The following MEI1 variants were observed in gnomAD, a reference collection of about 807,000 sequenced individuals.
MEI1 encodes meiosis inhibitor protein 1.
A neutral mutation model predicts 146.2 loss-of-function variants in MEI1; 103 were observed. That is an observed-to-expected ratio of 0.70 (90% CI 0.60 to 0.83). The LOEUF is 0.83. MEI1 is among the 40% of genes least tolerant of loss of function. The pLI is 0.00. For synonymous variants in MEI1, 652 were observed against 628.2 expected, an observed-to-expected ratio of 1.04 and a Z score of -0.57; for missense variants, 1,529 against 1,533.0, an observed-to-expected ratio of 1.00 and a Z score of 0.04.
In MEI1 at chr22:41,724,001, T is replaced by C; in HGVS notation, c.792T>C (p.Asp264=). Reference sequence around the variant, plus strand: ...TTGTGTCCATGATCATGAACCAGGATGGACTGGGAGAAAGTGCTAAGAATA... The same window carrying C: ...TTGTGTCCATGATCATGAACCAGGACGGACTGGGAGAAAGTGCTAAGAATA... ...DLFVSMIMNQ[D]GLGESAKNIE... The change falls in exon 7 of 31, where the codon GAT becomes GAC. Residue 264 remains aspartate, a synonymous_variant. Transcript: ENST00000401548. 6.2e-7 allele frequency: 1 copy of C among 1,613,338 alleles called. No homozygotes were observed. Among genetic ancestry groups the C allele is most frequent in the Non-Finnish European group, 8.5e-7 (1 of 1,179,662 alleles).
intron 3 of MEI1, among the ~76,000 whole-genome samples, chr22:41,708,404 C>A (rs1171339932): frequency 7.0e-6 from 1 of 142,358 alleles, no homozygotes; most frequent in Non-Finnish European, 1.5e-5. Context: ...AGGTCTGAAT[C>A]TTTTTTTTTT....
At chr22:41,781,450 T>A in intron 23 of MEI1, 56 bp downstream of exon 23, 2 of 1,396,608 alleles carry the variant, frequency 1.4e-6, no homozygotes, top group Non-Finnish European at 2.0e-6. Context: ...TGGTCCTCTG[T>A]ATCTCAACTT....
At chr22:41,701,847 C>T (rs545459901) in intron 1 of MEI1, among the ~76,000 whole-genome samples, 1 of 152,182 alleles carries the variant, frequency 6.6e-6, no homozygotes, top group Admixed American at 6.5e-5. Flanking sequence ...GGCTGATTAT[C>T]CCAGGAGGTA....
intron 22 of MEI1, among the ~76,000 whole-genome samples, chr22:41,780,025 T>A (rs115111220): frequency 6.6e-6 from 1 of 152,218 alleles, no homozygotes; most frequent in African/African-American, 2.4e-5. Context: ...AGAACATCAG[T>A]GTCAGATTCA....
At chr22:41,772,533 G>C (rs1203221271) in intron 20 of MEI1, among the ~76,000 whole-genome samples, 1 of 152,164 alleles carries the variant, frequency 6.6e-6, no homozygotes, top group Non-Finnish European at 1.5e-5. Flanking sequence ...TGTTGCCCAA[G>C]CTGGTCTCAA....
At chr22:41,714,894 T>C (rs1465344403) in intron 4 of MEI1, among the ~76,000 whole-genome samples, 1 of 151,474 alleles carries the variant, frequency 6.6e-6, no homozygotes, top group Admixed American at 6.6e-5. Flanking sequence ...AAAAAAAATA[T>C]CAGTTAAAGA....
In MEI1 at chr22:41,746,046, G is replaced by A. The variant is rs370231633; in HGVS notation, c.1680+20G>A. On this transcript the variant is annotated intron_variant, in intron 14 of 30. Transcript: ENST00000401548. ...GTGATGGTGGGTTCTCCTGAGCCAC[G>A]GGCAACATGAAGCTTGGGGAAGAGA... is the stretch of plus-strand genomic sequence containing the variant. 1.2e-5 allele frequency: 19 copies of A among 1,563,610 alleles called. No individual in the cohort carries two copies. In the Middle Eastern group the frequency reaches 5.1e-4, roughly 42 times the overall value.
intron 22 of MEI1, 23 bp from the exon 23 acceptor site, chr22:41,781,261 C>T: frequency 6.3e-7 from 1 of 1,578,344 alleles, no homozygotes; most frequent in Non-Finnish European, 8.7e-7. Flanking sequence ...GACAGGCCGA[C>T]TGGGGACTTT....
chr22:41,703,273 G>T, intron 1 of MEI1, 58 bp from the exon 2 acceptor site: 1 of 1,577,804 alleles, frequency 6.3e-7, no homozygotes, highest in East Asian at 2.3e-5. Flanking sequence ...TACGGTTGTT[G>T]GATTCAGAAT....
intron 2 of MEI1, among the ~76,000 whole-genome samples, chr22:41,704,230 T>C (rs1364970893): frequency 6.6e-6 from 1 of 152,234 alleles, no homozygotes; most frequent in Non-Finnish European, 1.5e-5. Context: ...TTTACTGCTT[T>C]TCTGTGCCAG....
At position 41,795,633 on chromosome 22, in the gene MEI1, C is replaced by A. The variant is rs2076332860; in HGVS notation, c.3666+91C>A. ...AGGGTGGGAGCTCTGGCCACAGCAACCAAGGAATGGGAGGAGGGAAGTACA... is the reference window on the plus strand; with the variant it reads ...AGGGTGGGAGCTCTGGCCACAGCAAACAAGGAATGGGAGGAGGGAAGTACA... On this transcript the variant is annotated intron_variant, in intron 29 of 30. Transcript: ENST00000401548. This position sits in a 1 kb window ranked among gnomAD's most constrained non-coding sequence, Gnocchi z 4.2. The A allele has an allele frequency of 5.6e-6, 9 of 1,594,004 alleles. No homozygotes were observed. The East Asian group carries it at 1.8e-4, about 32-fold the overall frequency.
Position 41,799,270 on chromosome 22 carries a change from G to A in MEI1, c.3796G>A (p.Ala1266Thr), listed in dbSNP as rs2076492405. Residue 1266 changes from alanine (A) to threonine (T), a missense_variant, in exon 31 of 31, where the codon GCT becomes ACT. Coordinates refer to ENST00000401548, the MANE Select transcript of MEI1 (RefSeq NM_152513.4). The stretch of plus-strand genomic sequence containing the variant: ...TGCTGCCAGCTGCCTGGGAGGGGTG[G>A]CTGTATCCCTGTCCCACATCAGAAA... The part of the protein sequence containing the change: ...LQDMLCLGGV[A>T]VSLSHIRN 1.2e-6 allele frequency: 2 copies of A among 1,613,160 alleles called. No individual in the cohort carries two copies. The highest frequency in any genetic ancestry group is 1.7e-6 in the Non-Finnish European group (2 of 1,179,512).
chr22:41,786,316 G>A (rs536207446), intron 26 of MEI1, among the ~76,000 whole-genome samples: 31 of 152,196 alleles, frequency 2.0e-4, no homozygotes, highest in Non-Finnish European at 3.5e-4. Context: ...GAAGTGCTAG[G>A]ATTACAGGCA....
intron 9 of MEI1, among the ~76,000 whole-genome samples, chr22:41,731,341 C>CA (rs1288436035): frequency 6.6e-6 from 1 of 151,574 alleles, no homozygotes; most frequent in African/African-American, 2.4e-5. Flanking sequence ...CATGAGCCAC[C>CA]ACGCCAGGCG....
chr22:41,780,151 A>G (rs1211041203), intron 22 of MEI1, among the ~76,000 whole-genome samples: 2 of 152,182 alleles, frequency 1.3e-5, no homozygotes, highest in African/African-American at 4.8e-5. Context: ...TGTGTGACAA[A>G]CTCAGCCTTC....
chr22:41,788,134 A>G (rs947876856), intron 26 of MEI1, among the ~76,000 whole-genome samples: 1 of 151,118 alleles, frequency 6.6e-6, no homozygotes, highest in Admixed American at 6.6e-5. Context: ...GAGTTAAGTG[A>G]TTCTCCTGCC....
At chr22:41,701,474 G>A (rs1318876166) in intron 1 of MEI1, among the ~76,000 whole-genome samples, 1 of 151,988 alleles carries the variant, frequency 6.6e-6, no homozygotes, top group South Asian at 2.1e-4. Context: ...AAATGAGGAA[G>A]ACTAAGAACA....
chr22:41,732,864 T>G (rs2071986841), intron 11 of MEI1, among the ~76,000 whole-genome samples: 2 of 150,556 alleles, frequency 1.3e-5, no homozygotes. Flanking sequence ...CACTACAATC[T>G]CTGCCTCCTG....
chr22:41,774,669 A>G (rs766308894), intron 20 of MEI1, among the ~76,000 whole-genome samples: 1 of 152,208 alleles, frequency 6.6e-6, no homozygotes, highest in Non-Finnish European at 1.5e-5. Context: ...CTTTCTTGAT[A>G]TGCAAACTGA....
Sources: gnomAD v4.1 joint callset for allele counts (sites outside exome capture counted in the v4.1 genomes callset) on GRCh38, gnomAD v4.1.1 for gene constraint, Gnocchi (gnomAD v3.1) non-coding constraint, MANE v1.5 for transcripts, NCBI Gene and HGNC (gene_info 2026-07-23, HGNC 2026-07-21) for gene names.